The following TMEM132C variants were observed in gnomAD, a reference collection of about 807,000 sequenced individuals.
TMEM132C encodes protein phosphatase 1, regulatory subunit 152.
Under a neutral mutation model 61.4 loss-of-function variants are expected in TMEM132C, and 29 were observed. That is an observed-to-expected ratio of 0.47 (90% CI 0.35 to 0.64). TMEM132C has a LOEUF of 0.64. TMEM132C is among the 30% of genes least tolerant of loss of function. The probability of loss-of-function intolerance (pLI) is 0.00; values close to 1 mark genes in which losing one functional copy is unlikely to be tolerated. For synonymous variants in TMEM132C, 656 were observed against 633.1 expected, an observed-to-expected ratio of 1.04 and a Z score of -0.54; for missense variants, 1,408 against 1,476.9, an observed-to-expected ratio of 0.95 and a Z score of 0.76.
intron 2 of TMEM132C, among the ~76,000 whole-genome samples, chr12:128,498,449 G>A (rs1872045856): frequency 6.6e-6 from 1 of 152,190 alleles, no homozygotes; most frequent in Non-Finnish European, 1.5e-5. Flanking sequence ...GCTGAGGCAG[G>A]TGGGTTACTT....
At chr12:128,274,066 T>C (rs1183776467) in intron 1 of TMEM132C, among the ~76,000 whole-genome samples, 1 of 152,198 alleles carries the variant, frequency 6.6e-6, no homozygotes, top group African/African-American at 2.4e-5. Context: ...AACTTAGAAG[T>C]TGCTGCATTC....
intron 3 of TMEM132C, among the ~76,000 whole-genome samples, chr12:128,601,972 G>T (rs1876210607): frequency 2.0e-5 from 3 of 152,050 alleles, no homozygotes; most frequent in Admixed American, 1.3e-4. Flanking sequence ...CAGCACTTTG[G>T]GAGGCTAAGG....
chr12:128,378,574 T>C (rs181741462), intron 1 of TMEM132C, among the ~76,000 whole-genome samples: 18 of 152,328 alleles, frequency 1.2e-4, no homozygotes, highest in East Asian at 1.2e-3. Flanking sequence ...AAAGCACTAA[T>C]TGGCACTTTT....
chr12:128,647,711 A>C (rs1234189141), intron 4 of TMEM132C, among the ~76,000 whole-genome samples: 3 of 150,636 alleles, frequency 2.0e-5, no homozygotes, highest in Non-Finnish European at 4.4e-5. Context: ...GCTAGATCCC[A>C]TCAGTGTTGG....
chr12:128,397,715 G>A (rs1875012101), intron 1 of TMEM132C, among the ~76,000 whole-genome samples: 1 of 151,970 alleles, frequency 6.6e-6, no homozygotes, highest in African/African-American at 2.4e-5. Flanking sequence ...CTGCAGCGTG[G>A]AGTCCTCCTG....
intron 5 of TMEM132C, among the ~76,000 whole-genome samples, chr12:128,681,611 T>C (rs1278739652): frequency 6.6e-6 from 1 of 152,026 alleles, no homozygotes; most frequent in Non-Finnish European, 1.5e-5. Flanking sequence ...CTCTGACAAG[T>C]TGTCCTGTCC....
At chr12:128,282,941 AT>A (rs1870944683) in intron 1 of TMEM132C, among the ~76,000 whole-genome samples, 1 of 152,200 alleles carries the variant, frequency 6.6e-6, no homozygotes, top group Non-Finnish European at 1.5e-5. Context: ...ATGTGTCACA[AT>A]ATTAATGATG....
intron 1 of TMEM132C, among the ~76,000 whole-genome samples, chr12:128,356,487 TTAGG>T (rs773336178): frequency 5.9e-5 from 9 of 152,134 alleles, no homozygotes; most frequent in Non-Finnish European, 8.8e-5. Flanking sequence ...GTCTTCTCAG[TTAGG>T]AGGAAATAAA....
intron 1 of TMEM132C, among the ~76,000 whole-genome samples, chr12:128,268,553 A>C (rs547770883): frequency 4.6e-5 from 7 of 152,080 alleles, no homozygotes; most frequent in African/African-American, 1.7e-4. Flanking sequence ...GGTTAAACGG[A>C]GGTGCGCACA....
intron 4 of TMEM132C, among the ~76,000 whole-genome samples, chr12:128,660,118 A>G (rs1003004497): frequency 1.3e-5 from 2 of 152,206 alleles, no homozygotes; most frequent in Non-Finnish European, 2.9e-5. Context: ...CACGTAATGC[A>G]TGCTGCTGTC....
chr12:128,546,072 A>T (rs1208419880), intron 3 of TMEM132C, among the ~76,000 whole-genome samples: 1 of 152,156 alleles, frequency 6.6e-6, no homozygotes, highest in South Asian at 2.1e-4. Flanking sequence ...TAATGAGAAA[A>T]AGAAAATCTG....
At chr12:128,322,295 GTGAC>G (rs1216175910) in intron 1 of TMEM132C, among the ~76,000 whole-genome samples, 1 of 152,212 alleles carries the variant, frequency 6.6e-6, no homozygotes, top group African/African-American at 2.4e-5. Context: ...CTAGATGTGA[GTGAC>G]TGAGCTTCTC....
chr12:128,279,637 C>G (rs1357007839), intron 1 of TMEM132C, among the ~76,000 whole-genome samples: 3 of 152,226 alleles, frequency 2.0e-5, no homozygotes, highest in Non-Finnish European at 4.4e-5. Context: ...GGCCTTTGCA[C>G]ATGCCTACTG....
At chr12:128,316,252 C>T (rs1872149634) in intron 1 of TMEM132C, among the ~76,000 whole-genome samples, 1 of 152,152 alleles carries the variant, frequency 6.6e-6, no homozygotes, top group African/African-American at 2.4e-5. Flanking sequence ...TGCTGGTTCC[C>T]ACAGTCAGGC....
At chr12:128,517,692 G>T (rs776888133) in intron 2 of TMEM132C, among the ~76,000 whole-genome samples, 1 of 152,062 alleles carries the variant, frequency 6.6e-6, no homozygotes, top group Non-Finnish European at 1.5e-5. Context: ...AAATTTGGGG[G>T]TATCATTAAT....
Position 128,456,038 on chromosome 12 carries a change from A to G in TMEM132C, c.974+40418A>G, listed in dbSNP as rs567185271. 2.0e-5 allele frequency among the ~76,000 whole-genome samples: 3 copies of G among 152,268 alleles called. No homozygotes were observed. In the South Asian group the frequency reaches 6.2e-4, roughly 32 times the overall value. ...GTCAGCTTTGCTCTATTTGGAGTAA[A>G]TGCTTGGGATGATGTGTTGAGGAGG... On this transcript the variant is annotated intron_variant, in intron 2 of 8. Transcript: ENST00000435159.
intron 4 of TMEM132C, among the ~76,000 whole-genome samples, chr12:128,638,294 C>T (rs1016289384): frequency 9.2e-5 from 14 of 152,128 alleles, no homozygotes; most frequent in African/African-American, 2.9e-4. Flanking sequence ...TCATCAGTAT[C>T]CCCCAAAATA....
chr12:128,666,248 C>T (rs1163198140), intron 4 of TMEM132C, among the ~76,000 whole-genome samples: 1 of 147,602 alleles, frequency 6.8e-6, no homozygotes, highest in East Asian at 2.0e-4. Context: ...CATTCACAGG[C>T]ACACACATTC....
chr12:128,344,757 G>A (rs1474004589), intron 1 of TMEM132C, among the ~76,000 whole-genome samples: 1 of 151,978 alleles, frequency 6.6e-6, no homozygotes, highest in Non-Finnish European at 1.5e-5. Context: ...ATCACCTATA[G>A]GTGCATGAAA....
Sources: allele counts gnomAD v4.1 joint callset (sites outside exome capture counted in the v4.1 genomes callset), GRCh38; gene constraint gnomAD v4.1.1; transcripts MANE v1.5; gene names NCBI Gene and HGNC (gene_info 2026-07-23, HGNC 2026-07-21).